Variants in BACH2 observed in about 807,000 individuals in gnomAD.
BACH2 encodes the protein transcription regulator protein BACH2.
Under a neutral mutation model 61.8 loss-of-function variants are expected in BACH2, and 5 were observed. That is an observed-to-expected ratio of 0.08 (90% CI 0.04 to 0.17). The LOEUF is 0.17. BACH2 is among the 10% of genes least tolerant of loss of function. BACH2 has a pLI of 1.00. For synonymous variants in BACH2, 446 were observed against 440.1 expected (o/e 1.01, Z -0.17); for missense variants, 824 against 1,091.1 (o/e 0.76, Z 3.45).
At chr6:90,003,562 G>A (rs960403147) in intron 6 of BACH2, among the ~76,000 whole-genome samples, 1 of 152,132 alleles carries the variant, frequency 6.6e-6, no homozygotes, top group African/African-American at 2.4e-5. Flanking sequence ...CTAGCACCTA[G>A]AATGATGTCT....
At chr6:90,214,151 T>C (rs4707607) in intron 3 of BACH2, among the ~76,000 whole-genome samples, 2,462 of 152,310 alleles carry the variant, frequency 0.016, 42 homozygotes, top group East Asian at 0.072. Context: ...TTGCCAATAG[T>C]GCACGTCACT....
intron 4 of BACH2, among the ~76,000 whole-genome samples, chr6:90,133,645 G>C (rs1366078719): frequency 1.3e-5 from 2 of 152,048 alleles, no homozygotes; most frequent in African/African-American, 2.4e-5. Context: ...CACTGATTAA[G>C]TCGTCATTTA....
intron 5 of BACH2, among the ~76,000 whole-genome samples, chr6:90,061,139 A>C (rs185711405): frequency 6.6e-6 from 1 of 152,314 alleles, no homozygotes; most frequent in Non-Finnish European, 1.5e-5. Context: ...CTCTGTAAGA[A>C]TGAACTGCAG....
At chr6:90,204,786 T>C (rs751484093) in intron 4 of BACH2, among the ~76,000 whole-genome samples, 2 of 152,178 alleles carry the variant, frequency 1.3e-5, no homozygotes, top group Non-Finnish European at 2.9e-5. Flanking sequence ...CATCCCCACC[T>C]CCAGTCATGA....
At chr6:90,280,643 A>C (rs1191211318) in intron 1 of BACH2, among the ~76,000 whole-genome samples, 1 of 152,182 alleles carries the variant, frequency 6.6e-6, no homozygotes, top group African/African-American at 2.4e-5. Context: ...GAAAGTGCAG[A>C]TTCAGACTCA....
At chr6:89,933,159 C>T (rs763262956) in intron 8 of BACH2, among the ~76,000 whole-genome samples, 21 of 151,998 alleles carry the variant, frequency 1.4e-4, no homozygotes, top group Non-Finnish European at 2.4e-4. Flanking sequence ...AAAATCGTCA[C>T]GAATCAGAAA....
At chr6:90,119,511 T>C (rs182272850) in intron 4 of BACH2, among the ~76,000 whole-genome samples, 1 of 152,336 alleles carries the variant, frequency 6.6e-6, no homozygotes, top group Non-Finnish European at 1.5e-5. Flanking sequence ...TACTGAGCTA[T>C]TAATTTAAAC....
rs76937447 is a variant in BACH2, at chr6:89,993,799, T to C, written c.243+14803A>G. Reference sequence around the variant, plus strand: ...GGACTTCCAGGATCTAGGGTGACTTTATGTTTTTTTTTTTTTGAATTTTTT... The same window carrying C: ...GGACTTCCAGGATCTAGGGTGACTTCATGTTTTTTTTTTTTTGAATTTTTT... On this transcript the variant is annotated intron_variant, in intron 6 of 8. Transcript: ENST00000257749. 3.0e-3 allele frequency among the ~76,000 whole-genome samples: 463 copies of C among 152,030 alleles called. 17 individuals carry two copies. In the East Asian group the frequency reaches 0.08, roughly 26 times the overall value.
chr6:90,161,391 T>G (rs1785187482), intron 4 of BACH2, among the ~76,000 whole-genome samples: 1 of 152,172 alleles, frequency 6.6e-6, no homozygotes, highest in Admixed American at 6.5e-5. Flanking sequence ...TTACAAACAT[T>G]AAGTATTTAA....
intron 3 of BACH2, among the ~76,000 whole-genome samples, chr6:90,247,757 T>C (rs770355391): frequency 1.3e-4 from 20 of 152,298 alleles, no homozygotes; most frequent in Non-Finnish European, 2.4e-4. Context: ...CCCATCTCCA[T>C]GCCTTTACCC....
chr6:90,116,735 A>T (rs746774324), intron 4 of BACH2: 1 of 426,396 alleles, frequency 2.3e-6, no homozygotes, highest in Non-Finnish European at 4.4e-6. Context: ...TCTACAATCA[A>T]CTGCTACCAC....
At chr6:90,260,141 C>T (rs1183285368) in intron 2 of BACH2, among the ~76,000 whole-genome samples, 1 of 152,018 alleles carries the variant, frequency 6.6e-6, no homozygotes, top group East Asian at 1.9e-4. Flanking sequence ...TAATGTCACA[C>T]TATTCATTTG....
At position 90,116,652 on chromosome 6, in the gene BACH2, T is replaced by C. The variant is rs540671381; in HGVS notation, c.-161-27543A>G. ...GAGAATCATACAGTGGTGTTATTCT[T>C]GCTACTTAAAAAAAGGTGATGTGAT... On this transcript the variant is annotated intron_variant, in intron 4 of 8. Coordinates refer to ENST00000257749, the MANE Select transcript of BACH2 (RefSeq NM_021813.4). 3.1e-5 allele frequency: 9 copies of C among 286,818 alleles called. 1 individual carries two copies. The South Asian group carries it at 6.0e-4, about 19-fold the overall frequency. The allele number at this position is 286,818 out of a possible 1,614,324, so 17.8% of individuals were successfully genotyped here. A position where few individuals can be genotyped will look rare whatever the true frequency, so the allele number is the denominator to read the frequency against.
At position 89,951,798 on chromosome 6, in the gene BACH2, C is replaced by T. The variant is rs1184528807; in HGVS notation, c.308G>A (p.Arg103Lys). 6.2e-7 allele frequency: 1 copy of T among 1,614,150 alleles called. No homozygotes were observed. Residue 103 changes from arginine (R) to lysine (K), a missense_variant, in exon 7 of 9, where the codon AGA becomes AAA. Physicochemically the swap from Arg to Lys is conservative, Grantham distance 26 (BLOSUM62 2). Transcript: ENST00000257749. The surrounding 1 kb of genome is among the most constrained non-coding windows in gnomAD (Gnocchi z 6.4). The part of the protein sequence containing the change: ...FAYTAKLLLS[R>K]ENIREVIRCA... ...GCGGATGACCTCGCGGATGTTTTCT[C>T]TGCTGAGTAACAGCTTGGCAGTGTA...
intron 1 of BACH2, among the ~76,000 whole-genome samples, chr6:90,296,134 A>G (rs1223173022): frequency 6.6e-6 from 1 of 151,852 alleles, no homozygotes; most frequent in African/African-American, 2.4e-5. Flanking sequence ...CGCCCTCCCC[A>G]TGCCTGACTT....
intron 1 of BACH2, among the ~76,000 whole-genome samples, chr6:90,295,699 A>G (rs529910776): frequency 6.6e-6 from 1 of 150,782 alleles, no homozygotes; most frequent in East Asian, 2.0e-4. Context: ...CCTTGACTTC[A>G]TGGAGGATCT....
At chr6:90,268,015 T>TTG (rs1554262159) in intron 2 of BACH2, among the ~76,000 whole-genome samples, 1 of 151,188 alleles carries the variant, frequency 6.6e-6, no homozygotes, top group Non-Finnish European at 1.5e-5. Flanking sequence ...TTTTTGTTTT[T>TTG]TTTTTTTTTT....
chr6:90,061,335 C>G (rs1780676981), intron 5 of BACH2, among the ~76,000 whole-genome samples: 1 of 151,978 alleles, frequency 6.6e-6, no homozygotes, highest in African/African-American at 2.4e-5. Context: ...GTACAGGATC[C>G]CTGGTTGATG....
At chr6:90,237,873 C>T (rs919703728) in intron 3 of BACH2, among the ~76,000 whole-genome samples, 10 of 152,228 alleles carry the variant, frequency 6.6e-5, no homozygotes, top group East Asian at 3.9e-4. Flanking sequence ...ACAAAGACAA[C>T]GGTGGACGAG....
Sources: gnomAD v4.1 joint callset for allele counts (sites outside exome capture counted in the v4.1 genomes callset) on GRCh38, gnomAD v4.1.1 for gene constraint, Gnocchi (gnomAD v3.1) non-coding constraint, MANE v1.5 for transcripts, NCBI Gene and HGNC (gene_info 2026-07-23, HGNC 2026-07-21) for gene names.